Variants in CCNY observed in about 807,000 individuals in gnomAD.
CCNY encodes cyclin Y.
A neutral mutation model predicts 42.8 loss-of-function variants in CCNY; 19 were observed. The ratio of observed to expected loss-of-function variants is 0.44; its 90% confidence interval spans 0.31 to 0.65. The LOEUF is 0.65. Among genes scored for constraint, CCNY ranks in the 30% least tolerant of loss-of-function variants. The pLI is 0.07. For synonymous variants in CCNY, 165 were observed against 162.7 expected, an observed-to-expected ratio of 1.01 and a Z score of -0.11; for missense variants, 370 against 437.3, an observed-to-expected ratio of 0.85 and a Z score of 1.37.
upstream of CCNY, chr10:35,336,168 C>T (rs1836021000): frequency 6.6e-6 from 1 of 152,188 alleles, no homozygotes; most frequent in African/African-American, 2.4e-5. Context: ...GGCCTGCGTC[C>T]CCGACCGGGC....
chr10:35,398,791 C>T (rs1206965044), intron 1 of CCNY, among the ~76,000 whole-genome samples: 1 of 152,180 alleles, frequency 6.6e-6, no homozygotes, highest in African/African-American at 2.4e-5. Flanking sequence ...CCTTTAAAAT[C>T]ACTGAAAATA....
intron 7 of CCNY, among the ~76,000 whole-genome samples, chr10:35,541,153 A>G (rs1170658807): frequency 1.3e-5 from 2 of 151,958 alleles, no homozygotes; most frequent in Non-Finnish European, 2.9e-5. Context: ...TGAATTTCTA[A>G]GCTTTAGTTG....
intron 7 of CCNY, among the ~76,000 whole-genome samples, chr10:35,548,802 G>GT (rs1403457546): frequency 2.6e-5 from 4 of 152,144 alleles, no homozygotes; most frequent in African/African-American, 9.6e-5. Context: ...AAAAATCTGC[G>GT]TATTAGTGGA....
At chr10:35,251,732 G>T (rs1185487257) in intron 3 of CCNY, among the ~76,000 whole-genome samples, 1 of 152,010 alleles carries the variant, frequency 6.6e-6, no homozygotes, top group Non-Finnish European at 1.5e-5. Flanking sequence ...GGGACTACAG[G>T]CATGAGCCAC....
At chr10:35,389,730 C>A (rs1370985311) in intron 1 of CCNY, among the ~76,000 whole-genome samples, 1 of 152,180 alleles carries the variant, frequency 6.6e-6, no homozygotes, top group African/African-American at 2.4e-5. Flanking sequence ...AGCCATCACA[C>A]CCGGCTGAGA....
At chr10:35,393,281 C>A (rs1837453828) in intron 1 of CCNY, among the ~76,000 whole-genome samples, 1 of 152,148 alleles carries the variant, frequency 6.6e-6, no homozygotes, top group Admixed American at 6.5e-5. Flanking sequence ...AAAGATGAGG[C>A]AATCAAATAA....
intron 3 of CCNY, among the ~76,000 whole-genome samples, chr10:35,272,887 A>C (rs1241327522): frequency 6.6e-6 from 1 of 150,492 alleles, no homozygotes; most frequent in Non-Finnish European, 1.5e-5. Flanking sequence ...TCCCACCAAC[A>C]TTGTATAAGT....
chr10:35,533,968 A>G (rs774929896), intron 7 of CCNY, among the ~76,000 whole-genome samples: 30 of 151,818 alleles, frequency 2.0e-4, no homozygotes, highest in Non-Finnish European at 4.0e-4. Flanking sequence ...CCTATTTATT[A>G]TCTTCCCCTG....
At chr10:35,421,059 TGC>T (rs947013398) in intron 1 of CCNY, among the ~76,000 whole-genome samples, 4 of 152,184 alleles carry the variant, frequency 2.6e-5, no homozygotes, top group Non-Finnish European at 5.9e-5. Context: ...TCAGGCTGTG[TGC>T]ACCTATGCCA....
At chr10:35,516,688 T>TTTTTTTTA in intron 4 of CCNY, 65 bp downstream of exon 4, 1 of 823,344 alleles carries the variant, frequency 1.2e-6, no homozygotes, top group Non-Finnish European at 1.8e-6. Flanking sequence ...TTTTTTTTTT[T>TTTTTTTTA]ACTTAACTGA....
At chr10:35,257,230 CCCTT>C (rs1554963154) in intron 3 of CCNY, among the ~76,000 whole-genome samples, 7 of 130,566 alleles carry the variant, frequency 5.4e-5, no homozygotes, top group Admixed American at 2.4e-4. Flanking sequence ...CTCCCTCCCT[CCCTT>C]CCTTCCTCTT....
intron 1 of CCNY, among the ~76,000 whole-genome samples, chr10:35,464,417 A>G (rs540839676): frequency 2.1e-4 from 32 of 152,020 alleles, no homozygotes; most frequent in Non-Finnish European, 3.4e-4. Flanking sequence ...TGCGGTCATA[A>G]TGGTGTTTTT....
chr10:35,417,599 G>T (rs1250070808), intron 1 of CCNY, among the ~76,000 whole-genome samples: 2 of 152,232 alleles, frequency 1.3e-5, no homozygotes, highest in African/African-American at 4.8e-5. Context: ...ATAGACACCA[G>T]ATGATTTGTA....
At chr10:35,352,799 G>A (rs955071182) in intron 1 of CCNY, among the ~76,000 whole-genome samples, 2 of 152,220 alleles carry the variant, frequency 1.3e-5, no homozygotes, top group African/African-American at 4.8e-5. Context: ...AGCGCTGCCT[G>A]ATTAGTGAGG....
intron 7 of CCNY, among the ~76,000 whole-genome samples, chr10:35,551,404 A>G (rs1841254272): frequency 6.6e-6 from 1 of 152,216 alleles, no homozygotes; most frequent in African/African-American, 2.4e-5. Context: ...TCCTTTCCAC[A>G]TGTACCTTTT....
chr10:35,446,851 T>C (rs1171754763), intron 1 of CCNY, among the ~76,000 whole-genome samples: 2 of 152,250 alleles, frequency 1.3e-5, no homozygotes, highest in Non-Finnish European at 2.9e-5. Context: ...TCTTCATTCC[T>C]GACAGTTTCA....
intron 1 of CCNY, among the ~76,000 whole-genome samples, chr10:35,443,173 C>G (rs986636892): frequency 6.6e-6 from 1 of 152,140 alleles, no homozygotes; most frequent in African/African-American, 2.4e-5. Context: ...CTCTGAAGGC[C>G]TAGAACATTT....
chr10:35,338,364 G>A (rs1486656651), intron 1 of CCNY, among the ~76,000 whole-genome samples: 1 of 152,220 alleles, frequency 6.6e-6, no homozygotes, highest in African/African-American at 2.4e-5. Context: ...TGAGTGCCAT[G>A]TATAAAGGGA....
At chr10:35,357,326 G>A (rs998961673) in intron 1 of CCNY, among the ~76,000 whole-genome samples, 2 of 152,164 alleles carry the variant, frequency 1.3e-5, no homozygotes, top group Non-Finnish European at 2.9e-5. Flanking sequence ...AACACAATGA[G>A]GACAGGGACA....
Sources: allele counts gnomAD v4.1 joint callset (sites outside exome capture counted in the v4.1 genomes callset), GRCh38; gene constraint gnomAD v4.1.1; transcripts MANE v1.5; gene names NCBI Gene and HGNC (gene_info 2026-07-23, HGNC 2026-07-21).